Variants in TCP11L2 observed in about 807,000 individuals in gnomAD.
The protein encoded by TCP11L2 is T-complex protein 11-like protein 2.
TCP11L2 carries 39 observed loss-of-function variants against 50.7 expected under a neutral mutation model. That is an observed-to-expected ratio of 0.77 (90% CI 0.60 to 1.01). The LOEUF is 1.01. Ranked by LOEUF, TCP11L2 falls within the 50% of genes least tolerant of loss-of-function variation. The pLI is 0.00. For synonymous variants in TCP11L2, 192 were observed against 219.3 expected (o/e 0.88, Z 1.10); for missense variants, 612 against 614.7 (o/e 1.00, Z 0.05).
At chr12:106,331,128 A>T (rs1212108401) in intron 6 of TCP11L2, among the ~76,000 whole-genome samples, 1 of 152,114 alleles carries the variant, frequency 6.6e-6, no homozygotes, top group Non-Finnish European at 1.5e-5. Flanking sequence ...TTCCTTCCTC[A>T]CTGCTTCCTT....
chr12:106,308,032 A>G (rs1413317837), intron 1 of TCP11L2, among the ~76,000 whole-genome samples: 1 of 152,226 alleles, frequency 6.6e-6, no homozygotes, highest in East Asian at 1.9e-4. Flanking sequence ...GTTTGGATAC[A>G]CTAAGGCCCA....
intron 6 of TCP11L2, among the ~76,000 whole-genome samples, chr12:106,331,360 A>G (rs1329048554): frequency 6.6e-6 from 1 of 152,154 alleles, no homozygotes; most frequent in Non-Finnish European, 1.5e-5. Context: ...CAAGTTCCCA[A>G]AAAAGCTCAT....
intron 5 of TCP11L2, among the ~76,000 whole-genome samples, chr12:106,322,984 C>A (rs1219266811): frequency 1.3e-5 from 2 of 152,198 alleles, no homozygotes; most frequent in Non-Finnish European, 2.9e-5. Context: ...ATTGACTGTT[C>A]ACAACATCTC....
chr12:106,338,245 G>A (rs753033971), intron 8 of TCP11L2, among the ~76,000 whole-genome samples: 3 of 152,186 alleles, frequency 2.0e-5, no homozygotes, highest in Non-Finnish European at 2.9e-5. Context: ...GGTCACTGGG[G>A]TTTGGTGTAC....
chr12:106,313,586 T>TAAAA (rs2034942852), intron 2 of TCP11L2, among the ~76,000 whole-genome samples: 2 of 146,446 alleles, frequency 1.4e-5, no homozygotes, highest in South Asian at 4.3e-4. Context: ...CTCAAAAAAA[T>TAAAA]AAATAAATAA....
Position 106,311,048 on chromosome 12 carries a change from C to T in TCP11L2, c.-28C>T. ...GTCTGTTTGTCTGTGCAGGTGCTAC[C>T]TTTTTACCCACACTTAAGTGACGCA... is the stretch of plus-strand genomic sequence containing the variant. On this transcript the variant is annotated 5_prime_UTR_variant, in exon 2 of 10. Coordinates refer to ENST00000299045, the MANE Select transcript of TCP11L2 (RefSeq NM_152772.3). 1 of 1,611,810 alleles carries T rather than the reference C, an allele frequency of 6.2e-7. No individual in the cohort carries two copies. Among genetic ancestry groups the T allele is most frequent in the Non-Finnish European group, 8.5e-7 (1 of 1,178,668 alleles).
chr12:106,339,721 T>G (rs2036033608), intron 8 of TCP11L2, among the ~76,000 whole-genome samples: 1 of 152,202 alleles, frequency 6.6e-6, no homozygotes, highest in Non-Finnish European at 1.5e-5. Flanking sequence ...AAGAACTCAC[T>G]GATTAAAAGC....
In TCP11L2 at chr12:106,311,071, G is replaced by A. The variant is rs371645199; in HGVS notation, c.-5G>A. The A allele has an allele frequency of 2.5e-5, 40 of 1,613,872 alleles. No homozygotes were observed. The highest frequency in any genetic ancestry group is 8.0e-5 in the African/African-American group (6 of 75,058). On this transcript the variant is annotated 5_prime_UTR_variant, in exon 2 of 10. Transcript: ENST00000299045. ...ACCTTTTTACCCACACTTAAGTGAC[G>A]CAAAATGCCCTTCAATGGCGAGAAG...
At chr12:106,329,130 G>A (rs113096991) in intron 6 of TCP11L2, among the ~76,000 whole-genome samples, 3 of 152,234 alleles carry the variant, frequency 2.0e-5, no homozygotes, top group African/African-American at 4.8e-5. Flanking sequence ...CTGAAAATTG[G>A]GGTAGAAGCA....
At chr12:106,324,502 A>G (rs2035470548) in intron 6 of TCP11L2, 1 of 152,232 alleles carries the variant, frequency 6.6e-6, no homozygotes, top group Non-Finnish European at 1.5e-5. Context: ...GTGGAAACTC[A>G]TCAGAGAGTT....
chr12:106,335,524 C>T, intron 6 of TCP11L2, 115 bp from the exon 7 acceptor site: 3 of 1,034,132 alleles, frequency 2.9e-6, no homozygotes, highest in Admixed American at 2.5e-5. Context: ...CCTTGCAGGG[C>T]ATGGCTGTGT....
chr12:106,333,713 G>A (rs17284674), intron 6 of TCP11L2, among the ~76,000 whole-genome samples: 4 of 151,792 alleles, frequency 2.6e-5, no homozygotes, highest in South Asian at 2.1e-4. Context: ...TACTAAAAAC[G>A]CTTCACTTCC....
Position 106,321,470 on chromosome 12 carries a change from A to C in TCP11L2, c.415-16A>C, listed in dbSNP as rs374249901. The C allele has an allele frequency of 4.0e-5, 64 of 1,594,046 alleles. No homozygotes were observed. The African/African-American group carries it at 6.2e-4, about 15-fold the overall frequency. Reference sequence around the variant, plus strand: ...TCACATCATGATGCTGTTAATTTTTATTTCTTTCCCTGTAGATTCTTCTCT... The same window carrying C: ...TCACATCATGATGCTGTTAATTTTTCTTTCTTTCCCTGTAGATTCTTCTCT... On this transcript the variant is annotated splice_polypyrimidine_tract_variant and intron_variant, in intron 4 of 9. Transcript: ENST00000299045.
At chr12:106,327,511 C>T (rs1024305906) in intron 6 of TCP11L2, among the ~76,000 whole-genome samples, 5 of 152,168 alleles carry the variant, frequency 3.3e-5, no homozygotes, top group African/African-American at 1.2e-4. Flanking sequence ...GGCTTAGTGA[C>T]CTGTAATCCA....
chr12:106,342,159 T>C (rs2036109963), intron 9 of TCP11L2, among the ~76,000 whole-genome samples: 1 of 152,170 alleles, frequency 6.6e-6, no homozygotes, highest in South Asian at 2.1e-4. Flanking sequence ...AATCTGCAAA[T>C]TTTCAAAGTA....
intron 5 of TCP11L2, among the ~76,000 whole-genome samples, chr12:106,322,607 GTC>G (rs1469303122): frequency 2.0e-5 from 3 of 152,204 alleles, no homozygotes; most frequent in Admixed American, 2.0e-4. Flanking sequence ...GGGAAGAAGA[GTC>G]TGCAACACTT....
intron 5 of TCP11L2, among the ~76,000 whole-genome samples, chr12:106,323,248 C>T (rs1266033699): frequency 1.3e-5 from 2 of 152,100 alleles, no homozygotes; most frequent in African/African-American, 4.8e-5. Context: ...CAGGGGTTTT[C>T]AAATGAAAAT....
intron 2 of TCP11L2, among the ~76,000 whole-genome samples, chr12:106,313,269 T>C (rs1203225439): frequency 6.6e-6 from 1 of 152,170 alleles, no homozygotes; most frequent in African/African-American, 2.4e-5. Context: ...GTGTTTATAC[T>C]ATACTGCCTA....
At chr12:106,319,264 A>G (rs1473755435) in intron 4 of TCP11L2, among the ~76,000 whole-genome samples, 1 of 152,142 alleles carries the variant, frequency 6.6e-6, no homozygotes, top group Non-Finnish European at 1.5e-5. Flanking sequence ...CACCCTTATG[A>G]CTTAATCACC....
Sources: gnomAD v4.1 joint callset for allele counts (sites outside exome capture counted in the v4.1 genomes callset) on GRCh38, gnomAD v4.1.1 for gene constraint, MANE v1.5 for transcripts, NCBI Gene and HGNC (gene_info 2026-07-23, HGNC 2026-07-21) for gene names.